The following MAML3 variants were observed in gnomAD, a reference collection of about 807,000 sequenced individuals.
MAML3 encodes mastermind-like protein 3.
MAML3 carries 27 observed loss-of-function variants against 101.9 expected under a neutral mutation model. That is an observed-to-expected ratio of 0.27 (90% CI 0.20 to 0.37). The LOEUF (loss-of-function observed/expected upper bound fraction) is 0.37, where lower values mean the gene tolerates loss of function less well. MAML3 is among the 10% of genes least tolerant of loss of function. The pLI, the probability that MAML3 is intolerant of heterozygous loss-of-function variation, is 1.00. For missense variants in MAML3, 1,316 were observed against 1,444.9 expected, an observed-to-expected ratio of 0.91 and a Z score of 1.45; for synonymous variants, 501 against 555.9, an observed-to-expected ratio of 0.90 and a Z score of 1.39.
intron 2 of MAML3, among the ~76,000 whole-genome samples, chr4:139,769,434 A>G (rs1729929389): frequency 6.6e-6 from 1 of 152,224 alleles, no homozygotes; most frequent in East Asian, 1.9e-4. Flanking sequence ...CCATCTGCAC[A>G]GCAGTGACAT....
chr4:140,010,123 TGAAG>T lies in MAML3; in HGVS notation c.469-119160_469-119157del, dbSNP rs374959642. On this transcript the variant is annotated intron_variant, in intron 1 of 4. Coordinates refer to ENST00000509479, the MANE Select transcript of MAML3 (RefSeq NM_018717.5). ...GTACCATCAAATCTACAACATAAAG[TGAAG>T]GAACAAAGAAAAACGTCATTCTTGA... Among the ~76,000 whole-genome samples, 962 of 152,248 alleles carry T rather than the reference TGAAG, an allele frequency of 6.3e-3. 11 individuals carry two copies. The highest frequency in any genetic ancestry group is 0.022 in the African/African-American group (917 of 41,532).
At chr4:139,977,035 C>A (rs1734352006) in intron 1 of MAML3, among the ~76,000 whole-genome samples, 2 of 152,066 alleles carry the variant, frequency 1.3e-5, no homozygotes. Flanking sequence ...GTCGTAAGGG[C>A]AGAGCCTCAT....
chr4:139,872,671 G>T (rs1482896703), intron 2 of MAML3, among the ~76,000 whole-genome samples: 1 of 152,200 alleles, frequency 6.6e-6, no homozygotes, highest in African/African-American at 2.4e-5. Context: ...CAGCACAGGG[G>T]ACAAAGGAAG....
At chr4:139,889,255 C>T in intron 2 of MAML3, 102 bp downstream of exon 2, 1 of 1,606,038 alleles carries the variant, frequency 6.2e-7, no homozygotes, top group Non-Finnish European at 8.5e-7. Flanking sequence ...TTTCTGCAGG[C>T]AATTAGACCC....
chr4:139,963,112 T>G (rs928813191), intron 1 of MAML3, among the ~76,000 whole-genome samples: 2 of 151,998 alleles, frequency 1.3e-5, no homozygotes, highest in African/African-American at 2.4e-5. Context: ...TGAGGCAGGG[T>G]TTCTCAAACT....
chr4:139,861,211 T>C (rs1731775563), intron 2 of MAML3, among the ~76,000 whole-genome samples: 1 of 152,094 alleles, frequency 6.6e-6, no homozygotes, highest in Non-Finnish European at 1.5e-5. Flanking sequence ...CTGGATCACT[T>C]CTTTCTTATT....
At chr4:139,976,855 C>T (rs923287988) in intron 1 of MAML3, among the ~76,000 whole-genome samples, 2 of 151,992 alleles carry the variant, frequency 1.3e-5, no homozygotes, top group African/African-American at 2.4e-5. Flanking sequence ...GCACATCTGG[C>T]AATGTCTGGA....
chr4:139,743,562 A>C (rs1474606513), intron 2 of MAML3, among the ~76,000 whole-genome samples: 1 of 152,192 alleles, frequency 6.6e-6, no homozygotes, highest in Admixed American at 6.5e-5. Flanking sequence ...CTAAATATAC[A>C]TGGCTGTAAA....
chr4:140,092,044 A>G (rs1174085680), intron 1 of MAML3, among the ~76,000 whole-genome samples: 1 of 148,720 alleles, frequency 6.7e-6, no homozygotes, highest in Non-Finnish European at 1.5e-5. Context: ...CTTATAGATC[A>G]TTTTTGAGAT....
At chr4:140,089,521 C>T (rs1728009897) in intron 1 of MAML3, among the ~76,000 whole-genome samples, 1 of 152,174 alleles carries the variant, frequency 6.6e-6, no homozygotes, top group Non-Finnish European at 1.5e-5. Flanking sequence ...TGGCTCTGAT[C>T]TTTCAGATTT....
intron 2 of MAML3, among the ~76,000 whole-genome samples, chr4:139,846,990 T>C (rs1731463188): frequency 6.6e-6 from 1 of 152,124 alleles, no homozygotes; most frequent in South Asian, 2.1e-4. Flanking sequence ...TTTTCACAGT[T>C]CACACTTAGG....
In MAML3 at chr4:139,871,037, C is replaced by G. The variant is rs1056324980; in HGVS notation, c.2079+18320G>C. ...GTTTGTGTGTACATACACAAATATACATGCAGTCACACAATACACACATTT... is the reference window on the plus strand; with the variant it reads ...GTTTGTGTGTACATACACAAATATAGATGCAGTCACACAATACACACATTT... On this transcript the variant is annotated intron_variant, in intron 2 of 4. Transcript: ENST00000509479. 5.3e-5 allele frequency among the ~76,000 whole-genome samples: 8 copies of G among 152,162 alleles called. No individual in the cohort carries two copies. In the South Asian group the frequency reaches 1.7e-3, roughly 31 times the overall value.
chr4:139,962,522 C>T (rs556633971), intron 1 of MAML3, among the ~76,000 whole-genome samples: 1 of 152,254 alleles, frequency 6.6e-6, no homozygotes, highest in South Asian at 2.1e-4. Flanking sequence ...TAATCAAATA[C>T]TATTTGTGTT....
intron 2 of MAML3, among the ~76,000 whole-genome samples, chr4:139,853,175 T>C (rs997444697): frequency 6.6e-6 from 1 of 152,206 alleles, no homozygotes; most frequent in Admixed American, 6.5e-5. Context: ...TCTGCTTCCC[T>C]TATACATACA....
intron 1 of MAML3, among the ~76,000 whole-genome samples, chr4:140,069,810 A>C (rs528230784): frequency 6.6e-6 from 1 of 150,814 alleles, no homozygotes; most frequent in African/African-American, 2.5e-5. Context: ...ATCGAACTGG[A>C]GTCCTTAAAA....
At chr4:140,124,271 A>T (rs112290341) in intron 1 of MAML3, among the ~76,000 whole-genome samples, 58 of 152,316 alleles carry the variant, frequency 3.8e-4, no homozygotes, top group African/African-American at 1.3e-3. Context: ...AAATCTGTGC[A>T]TAGAAAGCTG....
chr4:139,777,834 C>T (rs1195824816), intron 2 of MAML3, among the ~76,000 whole-genome samples: 2 of 152,246 alleles, frequency 1.3e-5, no homozygotes, highest in Non-Finnish European at 2.9e-5. Flanking sequence ...TCTGCTGAAC[C>T]CTTATCTTAC....
At chr4:140,102,989 A>G in intron 1 of MAML3, among the ~76,000 whole-genome samples, 1 of 151,890 alleles carries the variant, frequency 6.6e-6, no homozygotes, top group East Asian at 1.9e-4. Context: ...TCACACCCAA[A>G]CCTATTCTGT....
At position 140,153,083 on chromosome 4, in the gene MAML3, T is replaced by C; in HGVS notation, c.245A>G (p.Glu82Gly). 1 of 1,557,490 alleles carries C rather than the reference T, an allele frequency of 6.4e-7. No homozygotes were observed. The highest frequency in any genetic ancestry group is 8.7e-7 in the Non-Finnish European group (1 of 1,150,428). ...GTTGACGTGGTGCCGACGGCAGCCC[T>C]CGATGCGCTGGCGGAGCCGCTCCAC... The part of the protein sequence containing the change: ...TVVERLRQRI[E>G]GCRRHHVNCE... The change falls in exon 1 of 5, where the codon GAG becomes GGG. Residue 82 changes from glutamate to glycine, a missense_variant. Coordinates refer to ENST00000509479, the MANE Select transcript of MAML3 (RefSeq NM_018717.5).
Sources: allele counts gnomAD v4.1 joint callset (sites outside exome capture counted in the v4.1 genomes callset), GRCh38; gene constraint gnomAD v4.1.1; transcripts MANE v1.5; gene names NCBI Gene and HGNC (gene_info 2026-07-23, HGNC 2026-07-21).